Variants in ANKRD30B observed in about 807,000 individuals in gnomAD.
ANKRD30B encodes the protein ankyrin repeat domain 30B, also known as ankyrin repeat domain-containing protein 30B.
Under a neutral mutation model 202.2 loss-of-function variants are expected in ANKRD30B, and 144 were observed. The ratio of observed to expected loss-of-function variants is 0.71; its 90% CI spans 0.62 to 0.82. ANKRD30B has a LOEUF of 0.82. ANKRD30B is among the 40% of genes least tolerant of loss of function. The pLI, the probability that ANKRD30B is intolerant of heterozygous loss-of-function variation, is 0.00. For missense variants in ANKRD30B, 1,487 were observed against 1,669.1 expected (o/e 0.89, Z 1.90); for synonymous variants, 508 against 561.3 (o/e 0.91, Z 1.34).
At chr18:14,865,789 C>T in the ANKRD30B span, among the ~76,000 whole-genome samples, 2 of 152,184 alleles carry the variant, frequency 1.3e-5, no homozygotes, top group African/African-American at 4.8e-5. Flanking sequence ...CCACCAACTG[C>T]AGGGAGGCCA....
At chr18:14,924,780 G>A in the ANKRD30B span, among the ~76,000 whole-genome samples, 1 of 152,238 alleles carries the variant, frequency 6.6e-6, no homozygotes. Context: ...GGGATCGGGG[G>A]AAGATTCCTG....
intron 34 of ANKRD30B, among the ~76,000 whole-genome samples, chr18:14,836,436 C>T (rs555151464): frequency 5.9e-5 from 9 of 152,146 alleles, no homozygotes; most frequent in Middle Eastern, 3.4e-3. Context: ...CCCATCCAGT[C>T]ACACACCTAA....
chr18:14,895,555 A>C, the ANKRD30B span, among the ~76,000 whole-genome samples: 1 of 152,198 alleles, frequency 6.6e-6, no homozygotes, highest in East Asian at 1.9e-4. Flanking sequence ...ACTTATGTCC[A>C]CACAAAAACC....
chr18:14,884,988 A>G, the ANKRD30B span, among the ~76,000 whole-genome samples: 1 of 152,102 alleles, frequency 6.6e-6, no homozygotes, highest in East Asian at 1.9e-4. Flanking sequence ...TGAAGTTTTA[A>G]TGAGCTATTT....
intron 36 of ANKRD30B, among the ~76,000 whole-genome samples, chr18:14,840,110 T>A (rs1202320536): frequency 1.3e-5 from 2 of 152,198 alleles, no homozygotes; most frequent in African/African-American, 2.4e-5. Context: ...ATATTTGAGG[T>A]TTTCTCTTGA....
the ANKRD30B span, among the ~76,000 whole-genome samples, chr18:14,887,569 CA>C: frequency 4.0e-5 from 6 of 151,756 alleles, no homozygotes; most frequent in Non-Finnish European, 7.4e-5. Context: ...AGCATTGCTT[CA>C]GGCTCTCATT....
chr18:14,754,914 CT>C lies in ANKRD30B; in HGVS notation c.530del (p.Leu177TyrfsTer16). ...EVQNKASLTP[L>X]LLAIQKRSKQ... is the part of the protein sequence containing the mutation. ...TATTTTACAGGCTAGCCTCACACCC[CT>C]TTTACTGGCCATACAGAAAAGAAGC... On this transcript the variant is annotated frameshift_variant, in exon 4 of 44. Coordinates refer to ENST00000690538, the MANE Select transcript of ANKRD30B (RefSeq NM_001367607.2). LOFTEE classifies it high-confidence loss of function. 3 of 1,542,242 alleles carry C rather than the reference CT, an allele frequency of 1.9e-6. No homozygotes were observed. Among genetic ancestry groups the C allele is most frequent in the Non-Finnish European group, 2.6e-6 (3 of 1,146,388 alleles).
At chr18:14,839,241 T>C (rs1971306487) in intron 36 of ANKRD30B, among the ~76,000 whole-genome samples, 1 of 152,242 alleles carries the variant, frequency 6.6e-6, no homozygotes, top group South Asian at 2.1e-4. Flanking sequence ...AAACAGAGAA[T>C]GTTCCTTAAG....
intron 36 of ANKRD30B, among the ~76,000 whole-genome samples, chr18:14,838,011 A>G (rs1186925346): frequency 1.3e-5 from 2 of 152,162 alleles, no homozygotes; most frequent in Admixed American, 1.3e-4. Context: ...GCGAGACTCC[A>G]TCTCAAAAAA....
At chr18:14,896,277 A>G in the ANKRD30B span, among the ~76,000 whole-genome samples, 5 of 151,690 alleles carry the variant, frequency 3.3e-5, no homozygotes, top group South Asian at 4.2e-4. Flanking sequence ...GACTACAGGC[A>G]CCCGCCACCA....
chr18:14,838,549 T>C (rs1971278014), intron 36 of ANKRD30B, among the ~76,000 whole-genome samples: 1 of 152,208 alleles, frequency 6.6e-6, no homozygotes, highest in African/African-American at 2.4e-5. Context: ...TTTGAGTCCA[T>C]TTATGGCTGC....
chr18:14,782,586 A>G lies in ANKRD30B; in HGVS notation c.1542A>G (p.Lys514=), dbSNP rs1598610575. The part of the protein sequence containing the change: ...QVCIPESMYQ[K]VMEINREVEE... The stretch of plus-strand genomic sequence containing the variant: ...GTATACCTGAGTCTATGTATCAGAA[A>G]GTAATGGAGATAAATAGAGAAGTAG... Residue 514 remains lysine (K), a synonymous_variant, in exon 12 of 44, where the codon AAA becomes AAG. Coordinates refer to ENST00000690538, the MANE Select transcript of ANKRD30B (RefSeq NM_001367607.2). 2 of 1,584,548 alleles carry G rather than the reference A, an allele frequency of 1.3e-6. No individual in the cohort carries two copies. The highest frequency in any genetic ancestry group is 1.7e-6 in the Non-Finnish European group (2 of 1,169,360).
intron 4 of ANKRD30B, 38 bp downstream of exon 4, chr18:14,755,043 C>T (rs1914115031): frequency 2.5e-6 from 3 of 1,188,958 alleles, no homozygotes; most frequent in African/African-American, 1.6e-5. Flanking sequence ...AAACACTTGA[C>T]TAGTGTTCTA....
intron 6 of ANKRD30B, among the ~76,000 whole-genome samples, chr18:14,762,919 T>G (rs1915491367): frequency 6.6e-6 from 1 of 152,162 alleles, no homozygotes; most frequent in Non-Finnish European, 1.5e-5. Context: ...GAGCTGTGCC[T>G]ATTGAATTTC....
At chr18:14,769,907 A>G (rs1391334632) in intron 8 of ANKRD30B, among the ~76,000 whole-genome samples, 1 of 152,224 alleles carries the variant, frequency 6.6e-6, no homozygotes, top group East Asian at 1.9e-4. Context: ...TGTGGCCACA[A>G]GACATAGGCT....
At chr18:14,841,650 G>A (rs559238559) in intron 37 of ANKRD30B, among the ~76,000 whole-genome samples, 4 of 152,296 alleles carry the variant, frequency 2.6e-5, no homozygotes, top group East Asian at 1.9e-4. Context: ...GACCACAGAT[G>A]TGGACATTAT....
At chr18:14,796,106 T>G in intron 16 of ANKRD30B, 115 bp from the exon 17 acceptor site, 1 of 1,151,076 alleles carries the variant, frequency 8.7e-7, no homozygotes, top group Admixed American at 1.8e-5. Context: ...AAACCTAGTG[T>G]AATCCCTTTT....
intron 39 of ANKRD30B, among the ~76,000 whole-genome samples, chr18:14,848,221 A>T (rs548257250): frequency 6.6e-6 from 1 of 152,014 alleles, no homozygotes; most frequent in African/African-American, 2.4e-5. Context: ...AAAATTGTTT[A>T]GTGTATTTTG....
intron 15 of ANKRD30B, among the ~76,000 whole-genome samples, chr18:14,787,780 G>A (rs571490165): frequency 3.3e-5 from 5 of 152,314 alleles, no homozygotes; most frequent in South Asian, 2.1e-4. Flanking sequence ...GGTCACAACT[G>A]TGGAAAGACA....
Sources: allele counts gnomAD v4.1 joint callset (sites outside exome capture counted in the v4.1 genomes callset), GRCh38; gene constraint gnomAD v4.1.1; transcripts MANE v1.5; gene names NCBI Gene and HGNC (gene_info 2026-07-23, HGNC 2026-07-21).